The following COL24A1 variants were observed in gnomAD, a reference collection of about 807,000 sequenced individuals.
COL24A1 encodes the protein collagen type XXIV alpha 1 chain.
COL24A1 carries 224 observed loss-of-function variants against 253.9 expected under a neutral mutation model. The ratio of observed to expected loss-of-function variants is 0.88; its 90% confidence interval spans 0.79 to 0.99. COL24A1 has a LOEUF of 0.99. Ranked by LOEUF, COL24A1 falls within the 50% of genes least tolerant of loss-of-function variation. COL24A1 has a pLI of 0.00. For synonymous variants in COL24A1, 685 were observed against 673.7 expected, an observed-to-expected ratio of 1.02 and a Z score of -0.26; for missense variants, 2,131 against 2,068.5, an observed-to-expected ratio of 1.03 and a Z score of -0.59.
At chr1:86,034,710 G>A (rs17414884) in intron 12 of COL24A1, among the ~76,000 whole-genome samples, 14,165 of 152,080 alleles carry the variant, frequency 0.093, 761 homozygotes, top group Middle Eastern at 0.19. Context: ...TGAGAATTCT[G>A]CATGGTAAAA....
At position 85,744,798 on chromosome 1, in the gene COL24A1, T is replaced by C. The variant is rs1477165954; in HGVS notation, c.4540A>G (p.Ser1514Gly). 1 of 1,611,030 alleles carries C rather than the reference T, an allele frequency of 6.2e-7. No individual in the cohort carries two copies. The highest frequency in any genetic ancestry group is 8.5e-7 in the Non-Finnish European group (1 of 1,178,932). ...QNTEVTLIDH[S>G]EEIFKTLNYL... is the part of the protein sequence containing the mutation. ...TTCAGGGTTTTGAATATCTCTTCAC[T>C]GTGGTCAATTAAAGTCACTTCAGTA... The change falls in exon 57 of 60, where the codon AGT (serine) becomes GGT (glycine). Residue 1514 changes from serine (S) to glycine (G), a missense_variant. Transcript: ENST00000370571.
At position 85,997,069 on chromosome 1, in the gene COL24A1, A is replaced by ATATG. The variant is rs1467037791; in HGVS notation, c.2311-9416_2311-9415insCATA. Among the ~76,000 whole-genome samples, 11 of 81,434 alleles carry ATATG rather than the reference A, an allele frequency of 1.4e-4. 1 individual carries two copies. Among genetic ancestry groups the ATATG allele is most frequent in the Non-Finnish European group, 2.9e-4 (11 of 38,046 alleles). 53.4% of individuals were successfully genotyped at this position (81,434 alleles called of 152,430 possible). A position where few individuals can be genotyped will look rare whatever the true frequency, so the allele number is the denominator to read the frequency against. ...TGTGTGTGTGTGTATATATATATAT[A>ATATG]TATATATATATACCAGTTAGTAGAA... is the stretch of plus-strand genomic sequence containing the variant. On this transcript the variant is annotated intron_variant, in intron 19 of 59. Coordinates refer to ENST00000370571, the MANE Select transcript of COL24A1 (RefSeq NM_152890.7).
At chr1:86,043,772 C>T (rs1440429911) in intron 12 of COL24A1, among the ~76,000 whole-genome samples, 3 of 152,158 alleles carry the variant, frequency 2.0e-5, no homozygotes, top group Admixed American at 2.0e-4. Context: ...ATGATCCGCC[C>T]GCCTCGGCCC....
intron 47 of COL24A1, among the ~76,000 whole-genome samples, chr1:85,794,067 AG>A: frequency 6.6e-6 from 1 of 152,300 alleles, no homozygotes; most frequent in African/African-American, 2.4e-5. Context: ...CCAACTGAAA[AG>A]TTAAGTTATA....
chr1:86,002,547 CT>C (rs1388130012), intron 19 of COL24A1, among the ~76,000 whole-genome samples: 1 of 152,186 alleles, frequency 6.6e-6, no homozygotes, highest in Non-Finnish European at 1.5e-5. Context: ...TCTCCTGCCT[CT>C]GTCATATGAT....
intron 47 of COL24A1, among the ~76,000 whole-genome samples, chr1:85,788,200 C>T (rs1313064067): frequency 6.6e-6 from 1 of 152,154 alleles, no homozygotes; most frequent in Admixed American, 6.5e-5. Context: ...ATGCCATTCT[C>T]CTGCCTCAGC....
At chr1:85,896,118 A>C (rs1683674567) in intron 29 of COL24A1, 53 bp from the exon 30 acceptor site, 1 of 1,566,856 alleles carries the variant, frequency 6.4e-7, no homozygotes, top group African/African-American at 1.4e-5. Flanking sequence ...TTATGGTCTT[A>C]CTATGCTAGC....
At chr1:85,742,163 T>C (rs1664721464) in intron 57 of COL24A1, among the ~76,000 whole-genome samples, 2 of 146,312 alleles carry the variant, frequency 1.4e-5, no homozygotes, top group Middle Eastern at 3.7e-3. Flanking sequence ...AGACAGAGTC[T>C]CACTCTGTGG....
intron 24 of COL24A1, among the ~76,000 whole-genome samples, chr1:85,920,606 G>A (rs1686353651): frequency 6.6e-6 from 1 of 152,028 alleles, no homozygotes; most frequent in South Asian, 2.1e-4. Context: ...ACATCACTGT[G>A]TTTAATGTGT....
chr1:85,956,105 C>T (rs74624204), intron 24 of COL24A1, among the ~76,000 whole-genome samples: 256 of 152,234 alleles, frequency 1.7e-3, no homozygotes, highest in African/African-American at 5.9e-3. Context: ...ATTTGAAATC[C>T]AGGTCTGCTA....
At chr1:85,984,540 T>C (rs1693546028) in intron 20 of COL24A1, among the ~76,000 whole-genome samples, 1 of 151,830 alleles carries the variant, frequency 6.6e-6, no homozygotes, top group African/African-American at 2.4e-5. Flanking sequence ...ATAAATAAGT[T>C]ATTGAATGAA....
At chr1:85,797,767 G>A (rs1570657462) in intron 47 of COL24A1, among the ~76,000 whole-genome samples, 1 of 152,128 alleles carries the variant, frequency 6.6e-6, no homozygotes, top group Non-Finnish European at 1.5e-5. Flanking sequence ...ACAGTGCCTG[G>A]GATACAGTAA....
chr1:86,113,420 A>C (rs1705810120), intron 4 of COL24A1, among the ~76,000 whole-genome samples: 1 of 152,202 alleles, frequency 6.6e-6, no homozygotes, highest in Admixed American at 6.5e-5. Flanking sequence ...CATAACATAT[A>C]GTTAATAATT....
chr1:86,118,758 G>C (rs1334498355), intron 3 of COL24A1, among the ~76,000 whole-genome samples: 6 of 152,070 alleles, frequency 3.9e-5, no homozygotes, highest in Non-Finnish European at 5.9e-5. Flanking sequence ...GAAGTATTTA[G>C]TTAGACCTAA....
At chr1:85,755,234 T>G (rs1666109865) in intron 55 of COL24A1, among the ~76,000 whole-genome samples, 1 of 152,144 alleles carries the variant, frequency 6.6e-6, no homozygotes, top group South Asian at 2.1e-4. Context: ...TATTAATATA[T>G]TCCCAGTTAA....
chr1:85,811,247 T>A (rs1672495587), intron 47 of COL24A1, among the ~76,000 whole-genome samples: 1 of 152,222 alleles, frequency 6.6e-6, no homozygotes, highest in African/African-American at 2.4e-5. Context: ...GGGTTGTTTC[T>A]ACTAACTATT....
At chr1:86,110,906 C>T (rs1469678704) in intron 5 of COL24A1, among the ~76,000 whole-genome samples, 3 of 152,092 alleles carry the variant, frequency 2.0e-5, no homozygotes, top group African/African-American at 7.2e-5. Context: ...CTGGTCCCAT[C>T]GACTGCCCAA....
At chr1:85,864,234 G>T (rs866191901) in intron 37 of COL24A1, among the ~76,000 whole-genome samples, 5 of 152,200 alleles carry the variant, frequency 3.3e-5, no homozygotes, top group Admixed American at 1.3e-4. Context: ...AAAAGGATGA[G>T]TTCATGTCCT....
chr1:86,152,939 C>A (rs914966470), intron 1 of COL24A1, among the ~76,000 whole-genome samples: 1 of 152,076 alleles, frequency 6.6e-6, no homozygotes, highest in African/African-American at 2.4e-5. Flanking sequence ...GTCAAGTCTC[C>A]CCAACCTCTG....
Sources: gnomAD v4.1 joint callset for allele counts (sites outside exome capture counted in the v4.1 genomes callset) on GRCh38, gnomAD v4.1.1 for gene constraint, MANE v1.5 for transcripts, NCBI Gene and HGNC (gene_info 2026-07-23, HGNC 2026-07-21) for gene names.